Variants in TMEM117 observed in about 807,000 individuals in gnomAD.
TMEM117 encodes transmembrane protein 117.
A neutral mutation model predicts 52.4 loss-of-function variants in TMEM117; 27 were observed. That is an observed-to-expected ratio of 0.51 (90% CI 0.38 to 0.71). The LOEUF (loss-of-function observed/expected upper bound fraction) is 0.71. TMEM117 is among the 30% of genes least tolerant of loss of function. TMEM117 has a pLI of 0.00. For missense variants in TMEM117, 556 were observed against 630.5 expected, an observed-to-expected ratio of 0.88 and a Z score of 1.26; for synonymous variants, 215 against 206.3, an observed-to-expected ratio of 1.04 and a Z score of -0.36.
intron 2 of TMEM117, among the ~76,000 whole-genome samples, chr12:43,849,736 T>TGGAATATTAGAGAA: frequency 6.6e-6 from 1 of 152,240 alleles, no homozygotes; most frequent in East Asian, 1.9e-4. Context: ...TGAAATTATA[T>TGGAATATTAGAGAA]GGAATATTAG....
chr12:43,976,149 C>A (rs1945667030), intron 3 of TMEM117, among the ~76,000 whole-genome samples: 1 of 152,100 alleles, frequency 6.6e-6, no homozygotes. Flanking sequence ...AAAGCTCTTA[C>A]ACTTCTAGTC....
chr12:44,054,848 C>T (rs1195484775), intron 3 of TMEM117, among the ~76,000 whole-genome samples: 1 of 151,698 alleles, frequency 6.6e-6, no homozygotes, highest in Non-Finnish European at 1.5e-5. Flanking sequence ...CCCATTAACT[C>T]ATCATTTACA....
At chr12:44,353,478 G>A (rs1951597323) in intron 6 of TMEM117, among the ~76,000 whole-genome samples, 1 of 151,510 alleles carries the variant, frequency 6.6e-6, no homozygotes, top group Non-Finnish European at 1.5e-5. Flanking sequence ...TTTGTATAAG[G>A]TGTAAGGAAG....
At chr12:43,879,302 C>T (rs2137446150) in intron 2 of TMEM117, among the ~76,000 whole-genome samples, 1 of 152,254 alleles carries the variant, frequency 6.6e-6, no homozygotes, top group East Asian at 1.9e-4. Flanking sequence ...TATTCAATGT[C>T]AATGAAATTA....
At chr12:43,986,010 G>T (rs1414495407) in intron 3 of TMEM117, among the ~76,000 whole-genome samples, 1 of 151,970 alleles carries the variant, frequency 6.6e-6, no homozygotes, top group Non-Finnish European at 1.5e-5. Context: ...TATTTTTTTG[G>T]TCACACATTT....
intron 2 of TMEM117, among the ~76,000 whole-genome samples, chr12:43,889,459 T>A (rs1286984932): frequency 6.6e-6 from 1 of 152,176 alleles, no homozygotes; most frequent in African/African-American, 2.4e-5. Flanking sequence ...CTTATGAGAA[T>A]CTAATGCTGC....
At chr12:43,912,387 A>G (rs973470868) in intron 2 of TMEM117, among the ~76,000 whole-genome samples, 1 of 151,634 alleles carries the variant, frequency 6.6e-6, no homozygotes, top group African/African-American at 2.4e-5. Flanking sequence ...TGGGAGATAT[A>G]CCTAATGCTA....
At chr12:44,371,338 T>A (rs1023350596) in intron 6 of TMEM117, among the ~76,000 whole-genome samples, 2 of 152,206 alleles carry the variant, frequency 1.3e-5, no homozygotes, top group Non-Finnish European at 2.9e-5. Flanking sequence ...ACTTTTGATA[T>A]CATTCAAGCT....
intron 2 of TMEM117, among the ~76,000 whole-genome samples, chr12:43,860,042 A>G (rs1447265966): frequency 6.6e-6 from 1 of 152,134 alleles, no homozygotes; most frequent in Non-Finnish European, 1.5e-5. Flanking sequence ...TTATTATTAT[A>G]CTTTAAGTTC....
intron 3 of TMEM117, among the ~76,000 whole-genome samples, chr12:44,134,518 T>C (rs1948461799): frequency 6.6e-6 from 1 of 152,134 alleles, no homozygotes; most frequent in Non-Finnish European, 1.5e-5. Flanking sequence ...ACCTGTGAAA[T>C]TTATATGCGG....
At chr12:44,160,317 AAAGTT>A (rs1948882202) in intron 4 of TMEM117, among the ~76,000 whole-genome samples, 1 of 152,184 alleles carries the variant, frequency 6.6e-6, no homozygotes, top group African/African-American at 2.4e-5. Context: ...AACTCACAGA[AAAGTT>A]AATATATATC....
At chr12:44,097,283 C>G (rs1361523257) in intron 3 of TMEM117, among the ~76,000 whole-genome samples, 3 of 152,094 alleles carry the variant, frequency 2.0e-5, no homozygotes, top group African/African-American at 7.2e-5. Context: ...TAAACTAGTT[C>G]AACCATTGTG....
intron 7 of TMEM117, among the ~76,000 whole-genome samples, chr12:44,379,658 A>G (rs1012431419): frequency 6.6e-6 from 1 of 152,176 alleles, no homozygotes; most frequent in Non-Finnish European, 1.5e-5. Context: ...CTACATTTGT[A>G]AGACAATTGT....
At chr12:44,253,683 A>G (rs1369237628) in intron 5 of TMEM117, among the ~76,000 whole-genome samples, 1 of 152,122 alleles carries the variant, frequency 6.6e-6, no homozygotes, top group East Asian at 1.9e-4. Context: ...AGTGAAGCTG[A>G]CATTATTGTT....
intron 6 of TMEM117, among the ~76,000 whole-genome samples, chr12:44,343,382 A>C (rs1487610664): frequency 6.6e-6 from 1 of 152,096 alleles, no homozygotes; most frequent in African/African-American, 2.4e-5. Flanking sequence ...CTGGTTGTCT[A>C]TTGATGCCCC....
intron 3 of TMEM117, among the ~76,000 whole-genome samples, chr12:44,024,329 C>CA (rs145828087): frequency 0.036 from 5,455 of 152,122 alleles, 203 homozygotes; most frequent in African/African-American, 0.093. Context: ...GTGACCTCAA[C>CA]AATGTGTAGG....
chr12:44,296,040 G>A (rs995831975), intron 5 of TMEM117, among the ~76,000 whole-genome samples: 7 of 152,134 alleles, frequency 4.6e-5, no homozygotes, highest in African/African-American at 1.4e-4. Flanking sequence ...GACCACAGTC[G>A]ACTGGAATTT....
chr12:44,351,346 A>G (rs1370877316), intron 6 of TMEM117, among the ~76,000 whole-genome samples: 2 of 151,926 alleles, frequency 1.3e-5, no homozygotes, highest in African/African-American at 4.8e-5. Flanking sequence ...TGCTGTGCAG[A>G]AGCTTTTTAA....
intron 3 of TMEM117, among the ~76,000 whole-genome samples, chr12:43,961,726 A>T (rs1369448454): frequency 1.3e-5 from 2 of 152,200 alleles, no homozygotes; most frequent in Non-Finnish European, 2.9e-5. Context: ...GCCTGTGTGT[A>T]TGCACATGTT....
Sources: allele counts gnomAD v4.1 joint callset (sites outside exome capture counted in the v4.1 genomes callset), GRCh38; gene constraint gnomAD v4.1.1; transcripts MANE v1.5; gene names NCBI Gene and HGNC (gene_info 2026-07-23, HGNC 2026-07-21).